ADGB: variants seen among roughly 807,000 people sequenced by gnomAD.
ADGB encodes the protein calpain-7-like protein.
ADGB carries 172 observed loss-of-function variants against 210.5 expected under a neutral mutation model. The ratio of observed to expected loss-of-function variants is 0.82; its 90% CI spans 0.72 to 0.93. ADGB has a LOEUF of 0.93. Among genes scored for constraint, ADGB ranks in the 40% least tolerant of loss-of-function variants. The pLI, the probability that ADGB is intolerant of heterozygous loss-of-function variation, is 0.00. For synonymous variants in ADGB, 658 were observed against 662.7 expected (o/e 0.99, Z 0.11); for missense variants, 2,025 against 1,964.8 (o/e 1.03, Z -0.58).
At position 146,773,302 on chromosome 6, in the gene ADGB, A is replaced by G. The variant is rs1225144665; in HGVS notation, c.3862+4171A>G. Among the ~76,000 whole-genome samples, 6 of 152,142 alleles carry G rather than the reference A, an allele frequency of 3.9e-5. No homozygotes were observed. The East Asian group carries it at 1.2e-3, about 29-fold the overall frequency. ...TAGAGAAAAAAAAAAGATCGTACAT[A>G]CCAATTAAAGTAATTAGTTCTGGAT... On this transcript the variant is annotated intron_variant, in intron 29 of 35. Coordinates refer to ENST00000397944, the MANE Select transcript of ADGB (RefSeq NM_024694.4).
intron 33 of ADGB, among the ~76,000 whole-genome samples, chr6:146,793,377 G>C (rs995120386): frequency 1.3e-5 from 2 of 152,128 alleles, no homozygotes; most frequent in African/African-American, 4.8e-5. Flanking sequence ...CCACTAAACA[G>C]GACACCCCAG....
chr6:146,688,712 A>T (rs1183067898), intron 10 of ADGB, among the ~76,000 whole-genome samples: 1 of 152,102 alleles, frequency 6.6e-6, no homozygotes, highest in Non-Finnish European at 1.5e-5. Context: ...TTGCCTGCTG[A>T]TTCTTTTAGG....
intron 10 of ADGB, among the ~76,000 whole-genome samples, chr6:146,690,536 A>C (rs1336326840): frequency 6.6e-6 from 1 of 152,186 alleles, no homozygotes; most frequent in African/African-American, 2.4e-5. Flanking sequence ...AATTATTCCA[A>C]AGCAGACTGG....
chr6:146,660,713 A>T (rs950849433), intron 5 of ADGB, among the ~76,000 whole-genome samples: 2 of 152,156 alleles, frequency 1.3e-5, no homozygotes, highest in African/African-American at 4.8e-5. Flanking sequence ...ATCTTTATGT[A>T]TATAGTCTTT....
intron 29 of ADGB, among the ~76,000 whole-genome samples, chr6:146,774,219 T>C (rs1777691732): frequency 6.6e-6 from 1 of 152,132 alleles, no homozygotes; most frequent in South Asian, 2.1e-4. Flanking sequence ...AAGATTCTAG[T>C]GGAAAACTAG....
intron 1 of ADGB, among the ~76,000 whole-genome samples, chr6:146,622,314 T>G (rs1780905743): frequency 6.6e-6 from 1 of 152,140 alleles, no homozygotes; most frequent in South Asian, 2.1e-4. Context: ...TACAAAGCTG[T>G]ATATCAGTGT....
intron 1 of ADGB, among the ~76,000 whole-genome samples, chr6:146,615,609 C>T: frequency 6.6e-6 from 1 of 152,186 alleles, no homozygotes; most frequent in East Asian, 1.9e-4. Context: ...CCTTCCCAGC[C>T]TTTGGTAACC....
At position 146,599,171 on chromosome 6, in the gene ADGB, T is replaced by C. The variant is rs569583417; in HGVS notation, c.74+57T>C. The C allele has an allele frequency of 1.8e-5, 26 of 1,465,394 alleles. No homozygotes were observed. In the African/African-American group the frequency reaches 2.9e-4, roughly 17 times the overall value. 90.8% of individuals were successfully genotyped at this position (1,465,394 alleles called of 1,614,324 possible). ...TGGCCTAGCCCCTCGACCTCACCAC[T>C]AGTTCTGGGGCTGCCTCCCTGCAGC... On this transcript the variant is annotated intron_variant, in intron 1 of 35. Coordinates refer to ENST00000397944, the MANE Select transcript of ADGB (RefSeq NM_024694.4).
chr6:146,756,809 C>A (rs1777412988), intron 27 of ADGB, among the ~76,000 whole-genome samples: 2 of 151,836 alleles, frequency 1.3e-5, no homozygotes, highest in African/African-American at 2.4e-5. Context: ...ATCACTGCAA[C>A]CTCCACCTCC....
chr6:146,801,354 T>C, intron 34 of ADGB, 75 bp downstream of exon 34: 1 of 975,510 alleles, frequency 1.0e-6, no homozygotes, highest in Non-Finnish European at 1.4e-6. Context: ...ACTTAAATGT[T>C]TTCTGTAAAG....
intron 32 of ADGB, among the ~76,000 whole-genome samples, chr6:146,788,117 A>G (rs1168881078): frequency 1.3e-5 from 2 of 152,116 alleles, no homozygotes; most frequent in African/African-American, 4.8e-5. Context: ...AATAATTCAA[A>G]TATCCTATTT....
chr6:146,756,928 T>C (rs1446325762), intron 27 of ADGB, among the ~76,000 whole-genome samples: 1 of 151,948 alleles, frequency 6.6e-6, no homozygotes, highest in Non-Finnish European at 1.5e-5. Context: ...GATTTCATTA[T>C]GTTGGCCATG....
rs144490147 is a variant in ADGB, at chr6:146,782,540, T to C, written c.4035+348T>C. Among the ~76,000 whole-genome samples the C allele has an allele frequency of 4.6e-4, 70 of 152,240 alleles. 2 individuals carry two copies. The East Asian group carries it at 0.011, about 24-fold the overall frequency. On this transcript the variant is annotated intron_variant, in intron 30 of 35. Coordinates refer to ENST00000397944, the MANE Select transcript of ADGB (RefSeq NM_024694.4). ...ATAATGTTGAATGCTATATGTGCAG[T>C]GGTAGAAAGGATAGGTTCTAATACA...
Position 146,724,208 on chromosome 6 carries a change from C to T in ADGB, c.2118C>T (p.Pro706=), listed in dbSNP as rs1372480549. The change falls in exon 18 of 36, where the codon CCC becomes CCT. Residue 706 remains proline, a synonymous_variant. Coordinates refer to ENST00000397944, the MANE Select transcript of ADGB (RefSeq NM_024694.4). The part of the protein sequence containing the change: ...EYGALTKDSP[P]IEPGLLTAET... ...AAGCCTTAACAAAAGACAGTCCTCC[C>T]ATAGAGCCTGGACTTCTCACAGCTG... The T allele has an allele frequency of 6.5e-7, 1 of 1,550,186 alleles. No individual in the cohort carries two copies.
intron 7 of ADGB, among the ~76,000 whole-genome samples, 196 bp downstream of exon 7, chr6:146,667,098 A>AC (rs1405099012): frequency 6.6e-6 from 1 of 151,978 alleles, no homozygotes; most frequent in Non-Finnish European, 1.5e-5. Context: ...TAGGAGAACA[A>AC]TGACCCCCAT....
chr6:146,636,013 G>C (rs1775413478), intron 2 of ADGB, among the ~76,000 whole-genome samples: 1 of 152,014 alleles, frequency 6.6e-6, no homozygotes, highest in African/African-American at 2.4e-5. Flanking sequence ...GATCCTCACT[G>C]CTCTTCGTTT....
At chr6:146,735,715 C>T (rs1777070179) in intron 22 of ADGB, among the ~76,000 whole-genome samples, 1 of 152,052 alleles carries the variant, frequency 6.6e-6, no homozygotes, top group Admixed American at 6.6e-5. Flanking sequence ...AAAATATGGG[C>T]AATTTAGTAA....
intron 12 of ADGB, among the ~76,000 whole-genome samples, chr6:146,693,468 TC>T (rs1776360328): frequency 6.6e-6 from 1 of 152,160 alleles, no homozygotes; most frequent in Admixed American, 6.5e-5. Context: ...GTCTCAGACT[TC>T]CAGTCTCCAG....
At chr6:146,699,888 T>C (rs1039960096) in intron 12 of ADGB, among the ~76,000 whole-genome samples, 7 of 152,166 alleles carry the variant, frequency 4.6e-5, no homozygotes, top group Non-Finnish European at 7.4e-5. Context: ...TTCCCTGAGT[T>C]ACTTACTTTT....
Sources: allele counts gnomAD v4.1 joint callset (sites outside exome capture counted in the v4.1 genomes callset), GRCh38; gene constraint gnomAD v4.1.1; transcripts MANE v1.5; gene names NCBI Gene and HGNC (gene_info 2026-07-23, HGNC 2026-07-21).